PCDH15: variants seen among roughly 807,000 people sequenced by gnomAD.
The protein encoded by PCDH15 is protocadherin-15.
PCDH15 carries 129 observed loss-of-function variants against 178.5 expected under a neutral mutation model. The ratio of observed to expected loss-of-function variants is 0.72; its 90% CI spans 0.63 to 0.84. The LOEUF (loss-of-function observed/expected upper bound fraction) is 0.84, where lower values mean the gene tolerates loss of function less well. Ranked by LOEUF, PCDH15 falls within the 40% of genes least tolerant of loss-of-function variation. The pLI is 0.00. For missense variants in PCDH15, 2,230 were observed against 2,099.9 expected, an observed-to-expected ratio of 1.06 and a Z score of -1.21; for synonymous variants, 800 against 732.0, an observed-to-expected ratio of 1.09 and a Z score of -1.50.
At chr10:53,921,089 T>C (rs939668519) in intron 25 of PCDH15, among the ~76,000 whole-genome samples, 2 of 152,188 alleles carry the variant, frequency 1.3e-5, no homozygotes, top group African/African-American at 4.8e-5. Flanking sequence ...TAATTAATAC[T>C]TGTAAAATAG....
chr10:55,136,379 A>T (rs1402173121), intron 2 of PCDH15, among the ~76,000 whole-genome samples: 1 of 152,074 alleles, frequency 6.6e-6, no homozygotes, highest in African/African-American at 2.4e-5. Context: ...ATACATTAAA[A>T]CAAAGCAAAA....
intron 9 of PCDH15, among the ~76,000 whole-genome samples, chr10:54,233,013 G>T (rs2054240898): frequency 6.8e-6 from 1 of 146,554 alleles, no homozygotes; most frequent in South Asian, 2.1e-4. Context: ...GTAGCTCACT[G>T]CAGCCCTGCA....
intron 2 of PCDH15, among the ~76,000 whole-genome samples, chr10:55,379,545 A>T (rs1187621908): frequency 6.6e-6 from 1 of 152,040 alleles, no homozygotes; most frequent in Non-Finnish European, 1.5e-5. Context: ...CTTTAAAAAC[A>T]CTACTTTATA....
Position 55,305,222 on chromosome 10 carries a change from T to C in PCDH15, c.-156+14377A>G, listed in dbSNP as rs143388868. Among the ~76,000 whole-genome samples, 99 of 152,340 alleles carry C rather than the reference T, an allele frequency of 6.5e-4. No individual in the cohort carries two copies. The East Asian group carries it at 8.3e-3, about 13-fold the overall frequency. On this transcript the variant is annotated intron_variant, in intron 1 of 5. Transcript: ENST00000458638. Reference sequence around the variant, plus strand: ...GGTAACAGAACAAGGAGTCAAAACTTTGGGCTAGATGACTAGCTCATGACC... The same window carrying C: ...GGTAACAGAACAAGGAGTCAAAACTCTGGGCTAGATGACTAGCTCATGACC...
intron 9 of PCDH15, among the ~76,000 whole-genome samples, chr10:54,234,021 A>C (rs2054349382): frequency 6.6e-6 from 1 of 152,140 alleles, no homozygotes. Flanking sequence ...TCCATGTGGT[A>C]ATTTACTGTT....
intron 27 of PCDH15, among the ~76,000 whole-genome samples, chr10:53,860,083 A>G (rs953041417): frequency 2.6e-5 from 4 of 152,286 alleles, no homozygotes; most frequent in African/African-American, 9.6e-5. Flanking sequence ...ATACTGGGTG[A>G]ATGTGTTTGC....
intron 2 of PCDH15, among the ~76,000 whole-genome samples, chr10:54,583,737 T>C (rs1017610680): frequency 1.3e-5 from 2 of 152,140 alleles, no homozygotes; most frequent in Non-Finnish European, 2.9e-5. Context: ...AGAAAAGGAA[T>C]TGATTTTTTT....
chr10:55,511,692 A>T (rs1840888667), intron 2 of PCDH15, among the ~76,000 whole-genome samples: 1 of 152,052 alleles, frequency 6.6e-6, no homozygotes, highest in African/African-American at 2.4e-5. Context: ...AAGCTCCTCT[A>T]ATAAAGCAAT....
intron 2 of PCDH15, among the ~76,000 whole-genome samples, chr10:55,388,830 T>C (rs1192790091): frequency 6.6e-6 from 1 of 152,116 alleles, no homozygotes; most frequent in Non-Finnish European, 1.5e-5. Flanking sequence ...AACATTTAGT[T>C]TGTGGGAATA....
At chr10:53,874,242 A>G (rs907235928) in intron 26 of PCDH15, among the ~76,000 whole-genome samples, 1 of 152,136 alleles carries the variant, frequency 6.6e-6, no homozygotes, top group Non-Finnish European at 1.5e-5. Context: ...TGAGTCTATT[A>G]AGATTTCCCT....
intron 1 of PCDH15, among the ~76,000 whole-genome samples, chr10:55,263,675 C>T (rs889884936): frequency 1.3e-5 from 2 of 152,146 alleles, no homozygotes; most frequent in African/African-American, 4.8e-5. Flanking sequence ...GAGGAAGAGG[C>T]TCTTTCCCCA....
chr10:54,390,356 G>A (rs1405417835), intron 3 of PCDH15, among the ~76,000 whole-genome samples: 15 of 152,080 alleles, frequency 9.9e-5, no homozygotes, highest in Middle Eastern at 3.2e-3. Flanking sequence ...GCAGTGGTGC[G>A]ATCTCGGCTC....
intron 3 of PCDH15, among the ~76,000 whole-genome samples, chr10:54,463,432 G>C (rs540698979): frequency 8.5e-5 from 13 of 152,158 alleles, no homozygotes; most frequent in Admixed American, 2.6e-4. Flanking sequence ...ACTTATCCAG[G>C]GTCATAGTGT....
intron 28 of PCDH15, among the ~76,000 whole-genome samples, chr10:53,844,419 A>G (rs1564595669): frequency 6.6e-6 from 1 of 152,088 alleles, no homozygotes; most frequent in Non-Finnish European, 1.5e-5. Context: ...TATGAAATAA[A>G]ATATAAATAT....
At chr10:54,242,130 T>TTATATATATA (rs57729172) in intron 8 of PCDH15, among the ~76,000 whole-genome samples, 3 of 31,686 alleles carry the variant, frequency 9.5e-5, no homozygotes, top group Non-Finnish European at 1.1e-4. Flanking sequence ...AATTCTATTT[T>TTATATATATA]TATATATATA....
chr10:53,946,673 T>C (rs926996649), intron 23 of PCDH15, among the ~76,000 whole-genome samples: 1 of 152,224 alleles, frequency 6.6e-6, no homozygotes, highest in African/African-American at 2.4e-5. Context: ...TGGTTTAAAG[T>C]AAATATTTGC....
At chr10:54,670,563 T>C (rs182616294) in intron 1 of PCDH15, among the ~76,000 whole-genome samples, 1 of 152,246 alleles carries the variant, frequency 6.6e-6, no homozygotes, top group East Asian at 1.9e-4. Context: ...AAAGATTGTG[T>C]CTTCATGGAA....
intron 2 of PCDH15, among the ~76,000 whole-genome samples, chr10:55,498,213 T>G (rs1236867532): frequency 6.6e-6 from 1 of 151,914 alleles, no homozygotes; most frequent in Non-Finnish European, 1.5e-5. Flanking sequence ...TGTGTCTCAA[T>G]GACTCATTGC....
chr10:53,881,382 T>C (rs58806673), intron 26 of PCDH15, among the ~76,000 whole-genome samples: 2,159 of 152,126 alleles, frequency 0.014, 50 homozygotes, highest in African/African-American at 0.049. Flanking sequence ...TACAGTAAAA[T>C]TGGGAATTTA....
Sources: allele counts gnomAD v4.1 joint callset (sites outside exome capture counted in the v4.1 genomes callset), GRCh38; gene constraint gnomAD v4.1.1; transcripts MANE v1.5; gene names NCBI Gene and HGNC (gene_info 2026-07-23, HGNC 2026-07-21).